Variants in COL14A1 observed in about 807,000 individuals in gnomAD.
The protein encoded by COL14A1 is collagen alpha-1(XIV) chain.
Under a neutral mutation model 230.3 loss-of-function variants are expected in COL14A1, and 136 were observed. The observed-to-expected ratio is 0.59, with a 90% CI of 0.51 to 0.68. The LOEUF is 0.68. COL14A1 is among the 30% of genes least tolerant of loss of function. The pLI is 0.00. For synonymous variants in COL14A1, 792 were observed against 784.1 expected (o/e 1.01, Z -0.17); for missense variants, 1,976 against 2,215.8 (o/e 0.89, Z 2.17).
At chr8:120,367,037 T>TG (rs1316225766) in intron 45 of COL14A1, 134 bp from the exon 46 acceptor site, 1 of 606,246 alleles carries the variant, frequency 1.6e-6, no homozygotes, top group African/African-American at 1.9e-5. Flanking sequence ...AAAAGTCCCA[T>TG]GGTACTCATA....
At chr8:120,124,480 AG>A (rs1814250798), upstream of COL14A1, among the ~76,000 whole-genome samples, 1 of 152,198 alleles carries the variant, frequency 6.6e-6, no homozygotes, top group Non-Finnish European at 1.5e-5. Flanking sequence ...GGGAATCAGC[AG>A]GTTATGAGGT....
intron 5 of COL14A1, among the ~76,000 whole-genome samples, chr8:120,171,256 C>A (rs16893630): frequency 0.23 from 35,106 of 151,986 alleles, 4,315 homozygotes; most frequent in African/African-American, 0.31. Context: ...TCATTCTTGA[C>A]AAATACATTA....
At chr8:120,196,755 A>G (rs1327221618) in intron 5 of COL14A1, 36 bp from the exon 6 acceptor site, 5 of 1,603,202 alleles carry the variant, frequency 3.1e-6, no homozygotes, top group Non-Finnish European at 3.4e-6. Context: ...TTGCTCTGAC[A>G]GTAACACATG....
intron 5 of COL14A1, among the ~76,000 whole-genome samples, chr8:120,187,518 A>G (rs1284405094): frequency 6.6e-6 from 1 of 152,228 alleles, no homozygotes; most frequent in Non-Finnish European, 1.5e-5. Flanking sequence ...GGTACATAAT[A>G]AACACTAAAT....
intron 1 of COL14A1, among the ~76,000 whole-genome samples, chr8:120,139,390 A>G (rs1267499977): frequency 6.6e-6 from 1 of 152,182 alleles, no homozygotes; most frequent in Non-Finnish European, 1.5e-5. Flanking sequence ...TCAAACCTGT[A>G]TAGAGCTATC....
chr8:120,369,151 C>T (rs1823503749), intron 46 of COL14A1, among the ~76,000 whole-genome samples, 179 bp from the exon 47 acceptor site: 1 of 152,228 alleles, frequency 6.6e-6, no homozygotes. Context: ...TAAGTGATTA[C>T]ACTATGACCC....
At chr8:120,322,502 G>A (rs913036783) in intron 40 of COL14A1, among the ~76,000 whole-genome samples, 2 of 152,138 alleles carry the variant, frequency 1.3e-5, no homozygotes, top group African/African-American at 4.8e-5. Flanking sequence ...AAGCTATTAA[G>A]CCTAGTATAC....
intron 46 of COL14A1, 139 bp from the exon 47 acceptor site, chr8:120,369,191 G>T: frequency 1.3e-6 from 1 of 763,966 alleles, no homozygotes; most frequent in South Asian, 3.4e-5. Context: ...CTACAAAAAA[G>T]AACTCAATGA....
chr8:120,311,057 G>A (rs565117426), intron 37 of COL14A1, among the ~76,000 whole-genome samples: 1 of 152,292 alleles, frequency 6.6e-6, no homozygotes, highest in South Asian at 2.1e-4. Context: ...ATGAAGCAAG[G>A]TAGAAGAAAA....
At chr8:120,209,133 A>C (rs1817538331) in intron 11 of COL14A1, among the ~76,000 whole-genome samples, 1 of 152,152 alleles carries the variant, frequency 6.6e-6, no homozygotes, top group South Asian at 2.1e-4. Context: ...CTTTGCAGAA[A>C]TATTTTAGTG....
chr8:120,203,185 G>A (rs1817312826), intron 8 of COL14A1, among the ~76,000 whole-genome samples: 1 of 151,756 alleles, frequency 6.6e-6, no homozygotes, highest in Non-Finnish European at 1.5e-5. Flanking sequence ...GATGTATTGA[G>A]TAAAATTAAT....
chr8:120,362,846 T>C (rs1247882699), intron 45 of COL14A1, among the ~76,000 whole-genome samples: 1 of 152,154 alleles, frequency 6.6e-6, no homozygotes, highest in Non-Finnish European at 1.5e-5. Context: ...ATCCTAAATA[T>C]TATTTTGGTT....
intron 32 of COL14A1, among the ~76,000 whole-genome samples, chr8:120,285,321 G>C (rs2129930137): frequency 6.6e-6 from 1 of 151,926 alleles, no homozygotes. Context: ...AAAATTAGCT[G>C]GGCGTGGTGG....
Position 120,297,050 on chromosome 8 carries a change from T to C in COL14A1, c.4237-461T>C, listed in dbSNP as rs1322597715. On this transcript the variant is annotated intron_variant, in intron 34 of 47. Coordinates refer to ENST00000297848, the MANE Select transcript of COL14A1 (RefSeq NM_021110.4). Reference sequence around the variant, plus strand: ...TACAAAGGAATGAAGTGATAATTAATTCAATAAGCCTTCCTGAGTGCTTTT... The same window carrying C: ...TACAAAGGAATGAAGTGATAATTAACTCAATAAGCCTTCCTGAGTGCTTTT... 2.0e-5 allele frequency among the ~76,000 whole-genome samples: 3 copies of C among 152,156 alleles called. No homozygotes were observed. In the East Asian group the frequency reaches 5.8e-4, roughly 29 times the overall value.
chr8:120,317,327 G>A (rs951532433), intron 40 of COL14A1, among the ~76,000 whole-genome samples: 4 of 152,104 alleles, frequency 2.6e-5, no homozygotes, highest in Non-Finnish European at 5.9e-5. Flanking sequence ...ATGTAGATGC[G>A]CAAGCCTTCT....
rs147115453 is a variant in COL14A1, at chr8:120,266,779, C to T, written c.3017-48C>T. ...TTACTCCATGACCTTCCGCTCTTCC[C>T]CACAGATGAGATGGTGAACTGATGT... On this transcript the variant is annotated intron_variant, in intron 24 of 47. Transcript: ENST00000297848. 49 of 1,486,944 alleles carry T rather than the reference C, an allele frequency of 3.3e-5. No homozygotes were observed. In the African/African-American group the frequency reaches 6.2e-4, roughly 19 times the overall value. 92.1% of individuals were successfully genotyped at this position (1,486,944 alleles called of 1,614,324 possible). A position where few individuals can be genotyped will look rare whatever the true frequency, so the allele number is the denominator to read the frequency against.
At chr8:120,204,975 T>C (rs1336361650) in intron 9 of COL14A1, among the ~76,000 whole-genome samples, 1 of 152,104 alleles carries the variant, frequency 6.6e-6, no homozygotes, top group African/African-American at 2.4e-5. Context: ...ACTTGACCTC[T>C]CACACCAACC....
chr8:120,233,026 GC>G (rs1490754320), intron 19 of COL14A1, among the ~76,000 whole-genome samples: 6 of 152,146 alleles, frequency 3.9e-5, no homozygotes, highest in Non-Finnish European at 8.8e-5. Context: ...ACGATGATGA[GC>G]TTTTTTTCAT....
In COL14A1 at chr8:120,372,492, A is replaced by G. The variant is rs575771128; in HGVS notation, c.*1261A>G. On this transcript the variant is annotated 3_prime_UTR_variant, in exon 48 of 48. Coordinates refer to ENST00000297848, the MANE Select transcript of COL14A1 (RefSeq NM_021110.4). ...ATTTGAGAAAGATTTGAATTCTATT[A>G]TGTGCTAGTTGAAATAGAAACAAAA... 6.8e-4 allele frequency among the ~76,000 whole-genome samples: 103 copies of G among 152,306 alleles called. No homozygotes were observed. The highest frequency in any genetic ancestry group is 2.3e-3 in the African/African-American group (97 of 41,574).
Sources: allele counts gnomAD v4.1 joint callset (sites outside exome capture counted in the v4.1 genomes callset), GRCh38; gene constraint gnomAD v4.1.1; transcripts MANE v1.5; gene names NCBI Gene and HGNC (gene_info 2026-07-23, HGNC 2026-07-21).